The following FGF12 variants were observed in gnomAD, a reference collection of about 807,000 sequenced individuals.
The protein encoded by FGF12 is fibroblast growth factor 12B.
FGF12 carries 14 observed loss-of-function variants against 23.6 expected under a neutral mutation model. The ratio of observed to expected loss-of-function variants is 0.59; its 90% CI spans 0.39 to 0.93. The LOEUF is 0.93. Ranked by LOEUF, FGF12 falls within the 40% of genes least tolerant of loss-of-function variation. The pLI is 0.00. For missense variants in FGF12, 175 were observed against 217.8 expected, an observed-to-expected ratio of 0.80 and a Z score of 1.24; for synonymous variants, 62 against 77.3, an observed-to-expected ratio of 0.80 and a Z score of 1.04.
chr3:192,408,843 C>T lies in FGF12; in HGVS notation c.14-48305G>A. 2 of 985,544 alleles carry T rather than the reference C, an allele frequency of 2.0e-6. No individual in the cohort carries two copies. The highest frequency in any genetic ancestry group is 1.7e-5 in the African/African-American group (1 of 57,344). The allele number at this position is 985,544 out of a possible 1,614,324, so 61.0% of individuals were successfully genotyped here. A position where few individuals can be genotyped will look rare whatever the true frequency, so the allele number is the denominator to read the frequency against. Reference sequence around the variant, plus strand: ...CAGCAATTTAACTCCCTGCGGCCCGCGGTTCTGAAGATTAGGAGGTCCGTC... The same window carrying T: ...CAGCAATTTAACTCCCTGCGGCCCGTGGTTCTGAAGATTAGGAGGTCCGTC... On this transcript the variant is annotated intron_variant, in intron 2 of 5. Transcript: ENST00000445105. This position sits in a 1 kb window ranked among gnomAD's most constrained non-coding sequence, Gnocchi z 7.3.
chr3:192,522,757 A>G (rs1724852558), intron 2 of FGF12, among the ~76,000 whole-genome samples: 1 of 152,196 alleles, frequency 6.6e-6, no homozygotes, highest in African/African-American at 2.4e-5. Context: ...ATGTGCTACA[A>G]TTTTTTTAAT....
chr3:192,249,881 A>C (rs1711886335), intron 4 of FGF12, among the ~76,000 whole-genome samples: 1 of 152,172 alleles, frequency 6.6e-6, no homozygotes, highest in Admixed American at 6.5e-5. Context: ...GGCTCCTTTC[A>C]AGCAGTTTGC....
chr3:192,201,758 G>A (rs1717378941), intron 4 of FGF12, among the ~76,000 whole-genome samples: 1 of 152,108 alleles, frequency 6.6e-6, no homozygotes, highest in African/African-American at 2.4e-5. Flanking sequence ...AGTCATTACT[G>A]CCTGTCAGTC....
At chr3:192,163,438 G>T (rs889858557) in intron 5 of FGF12, among the ~76,000 whole-genome samples, 21 of 151,844 alleles carry the variant, frequency 1.4e-4, no homozygotes, top group Admixed American at 6.6e-5. Flanking sequence ...CATGTCAGAG[G>T]GACAATTTAT....
chr3:192,220,229 C>A (rs1718398748), intron 4 of FGF12, among the ~76,000 whole-genome samples: 1 of 152,112 alleles, frequency 6.6e-6, no homozygotes. Flanking sequence ...CAGTGACTTG[C>A]CATTGAATAT....
chr3:192,208,361 G>T (rs1717757238), intron 4 of FGF12, among the ~76,000 whole-genome samples: 1 of 152,118 alleles, frequency 6.6e-6, no homozygotes, highest in Non-Finnish European at 1.5e-5. Flanking sequence ...CAGATTAATA[G>T]AAATAGCTAG....
At chr3:192,495,313 G>C (rs1723921947) in intron 2 of FGF12, among the ~76,000 whole-genome samples, 1 of 152,068 alleles carries the variant, frequency 6.6e-6, no homozygotes, top group Admixed American at 6.6e-5. Context: ...AATATATAAA[G>C]TGTCCGTACA....
At chr3:192,411,692 C>G (rs1721205066) in intron 2 of FGF12, among the ~76,000 whole-genome samples, 1 of 152,200 alleles carries the variant, frequency 6.6e-6, no homozygotes, top group Non-Finnish European at 1.5e-5. Context: ...GCAAGGCAGA[C>G]ACAGATAGTA....
chr3:192,707,607 G>T (rs1055972449), intron 2 of FGF12, among the ~76,000 whole-genome samples: 1 of 151,940 alleles, frequency 6.6e-6, no homozygotes, highest in African/African-American at 2.4e-5. Flanking sequence ...TTAGCTGGGT[G>T]TGGTGGCAGG....
rs183488892 is a variant in FGF12, at chr3:192,253,172, A to G, written c.228+82189T>C. The stretch of plus-strand genomic sequence containing the variant: ...GATTTTGCAGGCTCCTAGGATCTGA[A>G]CTCACCCTCTCAATTGCATACTTTA... On this transcript the variant is annotated intron_variant, in intron 4 of 5. Transcript: ENST00000445105. Among the ~76,000 whole-genome samples the G allele has an allele frequency of 1.8e-3, 278 of 152,100 alleles. 2 individuals are homozygous for G. Among genetic ancestry groups the G allele is most frequent in the African/African-American group, 5.5e-3 (227 of 41,522 alleles).
At chr3:192,293,897 C>T (rs1577326842) in intron 4 of FGF12, among the ~76,000 whole-genome samples, 1 of 152,194 alleles carries the variant, frequency 6.6e-6, no homozygotes, top group East Asian at 1.9e-4. Context: ...TAAGTGCTTG[C>T]TCTTCTGGTC....
At chr3:192,689,846 G>A (rs557673843) in intron 2 of FGF12, among the ~76,000 whole-genome samples, 11 of 151,500 alleles carry the variant, frequency 7.3e-5, no homozygotes, top group Non-Finnish European at 1.6e-4. Context: ...CCAAAGAAGA[G>A]TTCACCAAGA....
Position 192,141,139 on chromosome 3 carries a change from A to AAC in FGF12, c.*2869_*2870insGT, listed in dbSNP as rs1461789853. 1 of 147,738 alleles carries AAC rather than the reference A, an allele frequency of 6.8e-6. No individual in the cohort carries two copies. Among genetic ancestry groups the AAC allele is most frequent in the African/African-American group, 2.5e-5 (1 of 39,506 alleles). The allele number at this position is 147,738 out of a possible 1,614,324, so 9.2% of individuals were successfully genotyped here. On this transcript the variant is annotated 3_prime_UTR_variant, in exon 6 of 6. Transcript: ENST00000445105. ...TCCCAATGCAACTCCAAAAAAAAAA[A>AAC]AAAAAAAAAAAAAAAGCTTATTTTA...
At chr3:192,157,716 A>C (rs755128868) in intron 5 of FGF12, among the ~76,000 whole-genome samples, 2 of 152,212 alleles carry the variant, frequency 1.3e-5, no homozygotes, top group Admixed American at 6.5e-5. Flanking sequence ...CTTTCTTAAA[A>C]GTATGAAAAA....
chr3:192,452,539 T>C (rs1462145028), intron 2 of FGF12, among the ~76,000 whole-genome samples: 1 of 152,242 alleles, frequency 6.6e-6, no homozygotes, highest in Non-Finnish European at 1.5e-5. Flanking sequence ...AATTGCTTCC[T>C]CTTCTACTTC....
chr3:192,159,556 G>A (rs1299266806), intron 5 of FGF12, among the ~76,000 whole-genome samples: 1 of 152,154 alleles, frequency 6.6e-6, no homozygotes, highest in Admixed American at 6.6e-5. Context: ...CACAACTATA[G>A]TGATGGAGGT....
At chr3:192,587,317 C>T (rs13077536) in intron 2 of FGF12, among the ~76,000 whole-genome samples, 23,029 of 151,770 alleles carry the variant, frequency 0.15, 2,009 homozygotes, top group Middle Eastern at 0.19. Flanking sequence ...TTTCTAGAGG[C>T]CCCCACTTAT....
intron 4 of FGF12, among the ~76,000 whole-genome samples, chr3:192,206,384 G>A (rs1161255559): frequency 1.3e-5 from 2 of 152,154 alleles, no homozygotes; most frequent in Non-Finnish European, 2.9e-5. Flanking sequence ...CCAAGTGGTT[G>A]GAGAATAATA....
intron 4 of FGF12, among the ~76,000 whole-genome samples, chr3:192,171,794 G>C (rs1715576829): frequency 6.6e-6 from 1 of 151,996 alleles, no homozygotes; most frequent in Admixed American, 6.6e-5. Context: ...ATGAATATAG[G>C]AATATTAATG....
Sources: gnomAD v4.1 joint callset for allele counts (sites outside exome capture counted in the v4.1 genomes callset) on GRCh38, gnomAD v4.1.1 for gene constraint, Gnocchi (gnomAD v3.1) non-coding constraint, MANE v1.5 for transcripts, NCBI Gene and HGNC (gene_info 2026-07-23, HGNC 2026-07-21) for gene names.